The following BLM variants were observed in gnomAD, a reference collection of about 807,000 sequenced individuals.
BLM encodes the protein BLM RecQ like helicase.
BLM carries 95 observed loss-of-function variants against 135.3 expected under a neutral mutation model. The observed-to-expected ratio is 0.70, with a 90% CI of 0.59 to 0.83. The LOEUF (loss-of-function observed/expected upper bound fraction) is 0.83, where lower values mean the gene tolerates loss of function less well. BLM is among the 40% of genes least tolerant of loss of function. The probability of loss-of-function intolerance (pLI) is 0.00; values close to 1 mark genes in which losing one functional copy is unlikely to be tolerated. For missense variants in BLM, 1,518 were observed against 1,663.9 expected (o/e 0.91, Z 1.53); for synonymous variants, 520 against 589.2 (o/e 0.88, Z 1.70).
intron 1 of BLM, among the ~76,000 whole-genome samples, chr15:90,728,805 T>G (rs1322296149): frequency 6.6e-6 from 1 of 152,220 alleles, no homozygotes; most frequent in African/African-American, 2.4e-5. Flanking sequence ...TATATTGACC[T>G]TGTCTCCAGC....
At position 90,790,485 on chromosome 15, in the gene BLM, A is replaced by G. The variant is rs903758493; in HGVS notation, c.2824-164A>G. On this transcript the variant is annotated intron_variant, in intron 14 of 21. Coordinates refer to ENST00000355112, the MANE Select transcript of BLM (RefSeq NM_000057.4). ...TTGCAAGTTATCAGTATAAAAACTC[A>G]TATTAGTTATACTAAATAGTTGGAC... 2.3e-5 allele frequency: 11 copies of G among 472,582 alleles called. No homozygotes were observed. In the African/African-American group the frequency reaches 2.7e-4, roughly 12 times the overall value. The allele number at this position is 472,582 out of a possible 1,614,324, so 29.3% of individuals were successfully genotyped here.
At position 90,734,624 on chromosome 15, in the gene BLM, CTCTCTG is replaced by C. The variant is rs1483847253; in HGVS notation, c.-4-12753_-4-12748del. 5.9e-5 allele frequency among the ~76,000 whole-genome samples: 9 copies of C among 152,022 alleles called. No homozygotes were observed. The South Asian group carries it at 1.0e-3, about 18-fold the overall frequency. Reference sequence around the variant, plus strand: ...CTTAATGATGGTATTCTCTCTCTCTCTCTCTGTCTCTGTCTCTCACGCACACATACA... The same window carrying C: ...CTTAATGATGGTATTCTCTCTCTCTCTCTCTGTCTCTCACGCACACATACA... On this transcript the variant is annotated intron_variant, in intron 1 of 21. Transcript: ENST00000355112.
At chr15:90,744,779 G>T (rs972494933) in intron 1 of BLM, among the ~76,000 whole-genome samples, 3 of 152,194 alleles carry the variant, frequency 2.0e-5, no homozygotes, top group East Asian at 3.9e-4. Flanking sequence ...GCTGGGCGCG[G>T]TGGCTCACAC....
At chr15:90,793,992 A>C (rs1374714607) in intron 15 of BLM, 175 bp from the exon 16 acceptor site, 1 of 428,374 alleles carries the variant, frequency 2.3e-6, no homozygotes, top group East Asian at 3.8e-5. Flanking sequence ...TAAAATCTTG[A>C]GGATGAACAT....
At chr15:90,729,756 A>G (rs1372091480) in intron 1 of BLM, among the ~76,000 whole-genome samples, 1 of 152,254 alleles carries the variant, frequency 6.6e-6, no homozygotes, top group Admixed American at 6.5e-5. Flanking sequence ...GGATCAGGAT[A>G]TAGACATCTT....
intron 1 of BLM, among the ~76,000 whole-genome samples, chr15:90,737,445 T>C (rs1895249256): frequency 6.6e-6 from 1 of 152,142 alleles, no homozygotes; most frequent in Non-Finnish European, 1.5e-5. Flanking sequence ...TTTTTCCTCA[T>C]TAAAATAAAT....
chr15:90,769,066 G>A lies in BLM; in HGVS notation c.2308-67G>A, dbSNP rs547522954. 126 of 1,295,026 alleles carry A rather than the reference G, an allele frequency of 9.7e-5. No individual in the cohort carries two copies. In the African/African-American group the frequency reaches 1.7e-3, roughly 18 times the overall value. The allele number at this position is 1,295,026 out of a possible 1,614,324, so 80.2% of individuals were successfully genotyped here. ...TACAGCTTAAGTTGTGATGGAATTT[G>A]AAGACCACAGAATCATGAGGTGATG... On this transcript the variant is annotated intron_variant, in intron 10 of 21. Transcript: ENST00000355112.
chr15:90,798,108 C>A, intron 16 of BLM, 82 bp from the exon 17 acceptor site: 1 of 1,260,216 alleles, frequency 7.9e-7, no homozygotes, highest in Non-Finnish European at 1.1e-6. Context: ...TATGATGAAT[C>A]TACTATAGTT....
At chr15:90,788,198 A>G (rs1333206294) in intron 14 of BLM, among the ~76,000 whole-genome samples, 5 of 152,302 alleles carry the variant, frequency 3.3e-5, no homozygotes, top group Admixed American at 6.5e-5. Flanking sequence ...CAAGCAAGAA[A>G]GCAGGATAAT....
intron 12 of BLM, among the ~76,000 whole-genome samples, chr15:90,771,370 G>A (rs934343921): frequency 5.3e-5 from 8 of 151,990 alleles, no homozygotes; most frequent in South Asian, 2.1e-4. Flanking sequence ...GCCTGTAATC[G>A]CTGCTACTCA....
rs28385052 is a variant in BLM at position 90,781,455 on chromosome 15, T to C, written c.2556-1367T>C. Among the ~76,000 whole-genome samples the C allele has an allele frequency of 1.4e-3, 214 of 152,156 alleles. 1 individual carries two copies. The highest frequency in any genetic ancestry group is 5.0e-3 in the African/African-American group (206 of 41,506). ...GCCTGGCCAACATGGTGAAACCCCA[T>C]CTCTACTAAAAATAACAAAAATGAG... On this transcript the variant is annotated intron_variant, in intron 12 of 21. Coordinates refer to ENST00000355112, the MANE Select transcript of BLM (RefSeq NM_000057.4).
chr15:90,729,765 T>C (rs1895016559), intron 1 of BLM, among the ~76,000 whole-genome samples: 1 of 152,226 alleles, frequency 6.6e-6, no homozygotes, highest in Non-Finnish European at 1.5e-5. Flanking sequence ...TATAGACATC[T>C]TTGGATGGGT....
Position 90,766,977 on chromosome 15 carries a change from C to A in BLM, c.2261C>A (p.Ser754Ter). Residue 754 changes from serine to a stop codon, truncating the protein, a stop_gained, in exon 10 of 22, where the codon TCA becomes TAA. Transcript: ENST00000355112. LOFTEE classifies it high-confidence loss of function. The stretch of plus-strand genomic sequence containing the variant: ...GCTACAAATATTTACCTCCAGTTAT[C>A]AAAAAAAGACCCAATCATAAAACTT... Reference protein sequence around the residue: ...SEATNIYLQLSKKDPIIKLLY... With the variant: ...SEATNIYLQL 1 of 1,601,474 alleles carries A rather than the reference C, an allele frequency of 6.2e-7. No individual in the cohort carries two copies. The highest frequency in any genetic ancestry group is 8.5e-7 in the Non-Finnish European group (1 of 1,170,526).
chr15:90,765,634 C>T (rs1896104098), intron 9 of BLM, among the ~76,000 whole-genome samples: 1 of 152,192 alleles, frequency 6.6e-6, no homozygotes, highest in African/African-American at 2.4e-5. Flanking sequence ...TTAACCAATG[C>T]TATTTTTTGC....
At chr15:90,766,102 G>A (rs989767526) in intron 9 of BLM, among the ~76,000 whole-genome samples, 5 of 152,088 alleles carry the variant, frequency 3.3e-5, no homozygotes, top group African/African-American at 9.7e-5. Context: ...GCGAGACCCC[G>A]ACTCAATCAC....
At chr15:90,777,174 G>C (rs775463139) in intron 12 of BLM, among the ~76,000 whole-genome samples, 1 of 151,310 alleles carries the variant, frequency 6.6e-6, no homozygotes, top group Admixed American at 6.6e-5. Flanking sequence ...TTTGAGGGGG[G>C]TGGGGGGAAT....
intron 1 of BLM, among the ~76,000 whole-genome samples, chr15:90,734,700 GAGAGAGA>G (rs1895163051): frequency 1.8e-5 from 1 of 56,888 alleles, no homozygotes; most frequent in African/African-American, 1.9e-4. Context: ...CACACGCAGA[GAGAGAGA>G]GAGAGAGAGA....
chr15:90,724,641 A>G (rs562052775), intron 1 of BLM, among the ~76,000 whole-genome samples: 1 of 152,300 alleles, frequency 6.6e-6, no homozygotes, highest in Non-Finnish European at 1.5e-5. Context: ...TTTCCTTACT[A>G]GATTATCAGC....
At chr15:90,759,474 T>A (rs1010303198) in intron 5 of BLM, among the ~76,000 whole-genome samples, 1 of 151,398 alleles carries the variant, frequency 6.6e-6, no homozygotes, top group Admixed American at 6.6e-5. Flanking sequence ...AGGCCTGTAG[T>A]CTCACCTACT....
Sources: gnomAD v4.1 joint callset for allele counts (sites outside exome capture counted in the v4.1 genomes callset) on GRCh38, gnomAD v4.1.1 for gene constraint, MANE v1.5 for transcripts, NCBI Gene and HGNC (gene_info 2026-07-23, HGNC 2026-07-21) for gene names.